ACOXL: variants seen among roughly 807,000 people sequenced by gnomAD.
The protein encoded by ACOXL is acyl-coenzyme A oxidase-like protein.
Under a neutral mutation model 71.9 loss-of-function variants are expected in ACOXL, and 70 were observed. That is an observed-to-expected ratio of 0.97 (90% CI 0.80 to 1.19). ACOXL has a LOEUF of 1.19. Among genes scored for constraint, ACOXL ranks in the 50% most tolerant of loss-of-function variants. The probability of loss-of-function intolerance (pLI) is 0.00; values close to 1 mark genes in which losing one functional copy is unlikely to be tolerated. For missense variants in ACOXL, 703 were observed against 736.3 expected, an observed-to-expected ratio of 0.95 and a Z score of 0.52; for synonymous variants, 253 against 281.6, an observed-to-expected ratio of 0.90 and a Z score of 1.02.
In ACOXL at chr2:110,841,371, C is replaced by T. The variant is rs1691156142; in HGVS notation, c.754C>T (p.Leu252Phe). ...VAFQAMGAMKLGLTIAIRYSH... is the reference protein window; with the variant it reads ...VAFQAMGAMKFGLTIAIRYSH... ...TGTTTTTCTCTCTTTTTAATTACAGCTTGGGTTGACGATAGCCATTCGCTA... is the reference window on the plus strand; with the variant it reads ...TGTTTTTCTCTCTTTTTAATTACAGTTTGGGTTGACGATAGCCATTCGCTA... The change falls in exon 10 of 18, where the codon CTT becomes TTT. Residue 252 changes from leucine to phenylalanine, a missense_variant and splice_region_variant. By Grantham distance (22) the Leu-to-Phe change is conservative. Coordinates refer to ENST00000439055, the MANE Select transcript of ACOXL (RefSeq NM_001142807.4). 1.9e-6 allele frequency: 3 copies of T among 1,607,842 alleles called. No individual in the cohort carries two copies.
At chr2:110,859,766 G>T (rs1693719011) in intron 10 of ACOXL, among the ~76,000 whole-genome samples, 1 of 152,172 alleles carries the variant, frequency 6.6e-6, no homozygotes, top group Admixed American at 6.5e-5. Context: ...ACCCCAGCAG[G>T]ACCCCAGGCT....
chr2:110,881,713 A>G (rs968336071), intron 10 of ACOXL, among the ~76,000 whole-genome samples: 1 of 152,104 alleles, frequency 6.6e-6, no homozygotes, highest in Non-Finnish European at 1.5e-5. Flanking sequence ...CTAGAGTTTT[A>G]TGTGGGTGGA....
intron 13 of ACOXL, among the ~76,000 whole-genome samples, chr2:110,993,224 A>C (rs949648911): frequency 1.3e-5 from 2 of 152,234 alleles, no homozygotes; most frequent in Non-Finnish European, 2.9e-5. Flanking sequence ...CACATGCATA[A>C]ACCTATGTAA....
chr2:111,050,906 C>T (rs1021770512), intron 16 of ACOXL, among the ~76,000 whole-genome samples: 2 of 152,168 alleles, frequency 1.3e-5, no homozygotes, highest in African/African-American at 4.8e-5. Context: ...TGCTGACTTT[C>T]ATGGTGCTCT....
intron 10 of ACOXL, among the ~76,000 whole-genome samples, chr2:110,880,290 C>T (rs556905996): frequency 2.0e-5 from 3 of 152,244 alleles, no homozygotes; most frequent in Middle Eastern, 3.4e-3. Context: ...ACCTTCCCAG[C>T]GTGCTAGTCC....
intron 12 of ACOXL, among the ~76,000 whole-genome samples, chr2:110,944,058 T>C (rs760311800): frequency 6.6e-6 from 1 of 152,152 alleles, no homozygotes; most frequent in Non-Finnish European, 1.5e-5. Context: ...TTTATTTTTT[T>C]ATTTTTATTT....
At chr2:110,926,281 C>T (rs916925757) in intron 11 of ACOXL, among the ~76,000 whole-genome samples, 16 of 152,156 alleles carry the variant, frequency 1.1e-4, no homozygotes, top group Admixed American at 6.5e-4. Flanking sequence ...GCAAGGTTGC[C>T]GCAAGGCCTC....
At chr2:110,969,378 C>A (rs1465109961) in intron 12 of ACOXL, among the ~76,000 whole-genome samples, 1 of 152,048 alleles carries the variant, frequency 6.6e-6, no homozygotes, top group Non-Finnish European at 1.5e-5. Flanking sequence ...ATCCATGAAA[C>A]AAAAGGCTGG....
chr2:110,786,779 T>G (rs1362284305), intron 3 of ACOXL, among the ~76,000 whole-genome samples: 1 of 152,206 alleles, frequency 6.6e-6, no homozygotes, highest in African/African-American at 2.4e-5. Flanking sequence ...TAAAGCAGAC[T>G]TAAGAAGCAT....
At chr2:110,927,570 AAG>A (rs1430947457) in intron 11 of ACOXL, among the ~76,000 whole-genome samples, 1 of 152,164 alleles carries the variant, frequency 6.6e-6, no homozygotes, top group African/African-American at 2.4e-5. Context: ...CAACTTCTCT[AAG>A]ACACTCTCCC....
chr2:110,775,563 C>T (rs1573456861), intron 2 of ACOXL, among the ~76,000 whole-genome samples: 1 of 151,888 alleles, frequency 6.6e-6, no homozygotes, highest in Admixed American at 6.6e-5. Flanking sequence ...AACCAAACAA[C>T]TAGATTAAAA....
At chr2:111,084,039 A>G (rs1558950922) in intron 16 of ACOXL, among the ~76,000 whole-genome samples, 1 of 152,026 alleles carries the variant, frequency 6.6e-6, no homozygotes, top group African/African-American at 2.4e-5. Context: ...AAAAAATGTG[A>G]TTTGGGGCCA....
At chr2:110,972,924 G>A (rs1190168838) in intron 12 of ACOXL, among the ~76,000 whole-genome samples, 2 of 152,220 alleles carry the variant, frequency 1.3e-5, no homozygotes, top group African/African-American at 4.8e-5. Flanking sequence ...CAGACTTTCA[G>A]AAGAAAGCAC....
At chr2:110,751,714 T>C (rs1375418653) in intron 1 of ACOXL, among the ~76,000 whole-genome samples, 1 of 152,216 alleles carries the variant, frequency 6.6e-6, no homozygotes, top group East Asian at 1.9e-4. Context: ...AGTTCTCTTA[T>C]ACCCTTGCCA....
intron 11 of ACOXL, among the ~76,000 whole-genome samples, chr2:110,914,160 G>A (rs541691679): frequency 2.6e-5 from 4 of 152,206 alleles, no homozygotes; most frequent in African/African-American, 9.6e-5. Context: ...TGAGAAATAT[G>A]TCTAATAAAG....
chr2:110,756,155 C>G (rs909047659), intron 1 of ACOXL, among the ~76,000 whole-genome samples: 1 of 151,914 alleles, frequency 6.6e-6, no homozygotes, highest in South Asian at 2.1e-4. Flanking sequence ...GAAGCAGAGT[C>G]TTGCTCTGTT....
Position 111,049,261 on chromosome 2 carries a change from C to T in ACOXL, c.1413C>T (p.Asp471=), listed in dbSNP as rs776303253. Reference sequence around the variant, plus strand: ...CCCTAGCAGTGAAGAGCTGTCCTGACCAAGAGGACCAGACTTTGTTAATGA... The same window carrying T: ...CCCTAGCAGTGAAGAGCTGTCCTGATCAAGAGGACCAGACTTTGTTAATGA... The part of the protein sequence containing the change: ...QFSLAVKSCP[D]QEDQTLLMKF... Residue 471 remains aspartate, a synonymous_variant, in exon 16 of 18, where the codon GAC becomes GAT. Coordinates refer to ENST00000439055, the MANE Select transcript of ACOXL (RefSeq NM_001142807.4). The T allele has an allele frequency of 1.4e-5, 22 of 1,611,988 alleles. No individual in the cohort carries two copies. In the Admixed American group the frequency reaches 3.3e-4, roughly 24 times the overall value.
chr2:110,922,578 T>C (rs3789134), intron 11 of ACOXL, among the ~76,000 whole-genome samples: 47,009 of 152,096 alleles, frequency 0.31, 8,559 homozygotes, highest in Non-Finnish European at 0.4. Flanking sequence ...ATATCTATGA[T>C]AAAAGTGTTA....
At chr2:110,929,287 G>T (rs1215121920) in intron 11 of ACOXL, among the ~76,000 whole-genome samples, 2 of 152,166 alleles carry the variant, frequency 1.3e-5, no homozygotes, top group Non-Finnish European at 1.5e-5. Flanking sequence ...CTGGAGTGAA[G>T]GTGACTCTTT....
Sources: gnomAD v4.1 joint callset for allele counts (sites outside exome capture counted in the v4.1 genomes callset) on GRCh38, gnomAD v4.1.1 for gene constraint, MANE v1.5 for transcripts, NCBI Gene and HGNC (gene_info 2026-07-23, HGNC 2026-07-21) for gene names.